The following NDUFA10 variants were observed in gnomAD, a reference collection of about 807,000 sequenced individuals.
NDUFA10 encodes NADH dehydrogenase [ubiquinone] 1 alpha subcomplex subunit 10, mitochondrial.
A neutral mutation model predicts 47.8 loss-of-function variants in NDUFA10; 40 were observed. That is an observed-to-expected ratio of 0.84 (90% CI 0.65 to 1.09). The LOEUF (loss-of-function observed/expected upper bound fraction) is 1.09, where lower values mean the gene tolerates loss of function less well. NDUFA10 is among the 50% of genes least tolerant of loss of function. The pLI is 0.00. For synonymous variants in NDUFA10, 183 were observed against 172.2 expected (o/e 1.06, Z -0.49); for missense variants, 413 against 451.1 (o/e 0.92, Z 0.76).
chr2:239,897,810 C>T (rs1693425548), intron 4 of NDUFA10, among the ~76,000 whole-genome samples: 1 of 152,212 alleles, frequency 6.6e-6, no homozygotes, highest in African/African-American at 2.4e-5. Flanking sequence ...GACTGCAGCA[C>T]CCAGGCCAGT....
intron 9 of NDUFA10, among the ~76,000 whole-genome samples, chr2:239,985,262 T>A (rs925782365): frequency 1.1e-4 from 17 of 152,188 alleles, no homozygotes; most frequent in African/African-American, 4.1e-4. Flanking sequence ...AACTTTGTGA[T>A]GAATATGTTT....
At chr2:239,988,842 C>T (rs947872728) in intron 9 of NDUFA10, among the ~76,000 whole-genome samples, 1 of 151,938 alleles carries the variant, frequency 6.6e-6, no homozygotes, top group Non-Finnish European at 1.5e-5. Context: ...TGTACAAGGA[C>T]AGAAAGGGAG....
At chr2:240,003,283 G>A (rs1696799144) in intron 8 of NDUFA10, among the ~76,000 whole-genome samples, 1 of 152,194 alleles carries the variant, frequency 6.6e-6, no homozygotes, top group Middle Eastern at 3.2e-3. Context: ...GAGAAAGAAG[G>A]TAAGCACCAA....
chr2:239,900,315 CATATATATATAT>C (rs142452963), intron 4 of NDUFA10, among the ~76,000 whole-genome samples: 11 of 142,730 alleles, frequency 7.7e-5, no homozygotes, highest in South Asian at 2.3e-4. Context: ...AACTCCCCTT[CATATATATATAT>C]ATATATATAT....
intron 4 of NDUFA10, among the ~76,000 whole-genome samples, chr2:239,911,899 C>T (rs1197156493): frequency 1.3e-5 from 2 of 151,994 alleles, no homozygotes; most frequent in Non-Finnish European, 2.9e-5. Context: ...GGGGAGGCAC[C>T]GACTCCAGTG....
intron 4 of NDUFA10, among the ~76,000 whole-genome samples, chr2:239,905,084 G>C (rs1261133450): frequency 1.3e-5 from 2 of 152,198 alleles, no homozygotes; most frequent in African/African-American, 4.8e-5. Flanking sequence ...AGCTCCAGAG[G>C]TTAGGGTATC....
At chr2:239,983,765 A>G in intron 9 of NDUFA10, 1 of 1,536,976 alleles carries the variant, frequency 6.5e-7, no homozygotes, top group Non-Finnish European at 8.8e-7. Context: ...TCTACAAAAT[A>G]CCTCACCAGC....
At chr2:239,920,168 G>A (rs985168458) in intron 4 of NDUFA10, among the ~76,000 whole-genome samples, 1 of 152,230 alleles carries the variant, frequency 6.6e-6, no homozygotes, top group African/African-American at 2.4e-5. Context: ...TGGGACAGCA[G>A]AATGCTGCTT....
intron 9 of NDUFA10, among the ~76,000 whole-genome samples, chr2:239,975,890 C>T (rs4149556): frequency 0.29 from 44,607 of 151,994 alleles, 7,145 homozygotes; most frequent in East Asian, 0.38. Flanking sequence ...CTGTATCTCT[C>T]GCTGTTCCCA....
At chr2:239,923,067 G>T (rs1030598331) in intron 4 of NDUFA10, among the ~76,000 whole-genome samples, 55 of 152,172 alleles carry the variant, frequency 3.6e-4, no homozygotes, top group African/African-American at 1.1e-3. Context: ...AATTACCAGG[G>T]ACAAAAGAGG....
At position 239,987,830 on chromosome 2, in the gene NDUFA10, C is replaced by T. The variant is rs765556154; in HGVS notation, c.999+2244G>A. Among the ~76,000 whole-genome samples the T allele has an allele frequency of 6.6e-6, 1 of 152,082 alleles. No individual in the cohort carries two copies. Among genetic ancestry groups the T allele is most frequent in the Non-Finnish European group, 1.5e-5 (1 of 68,022 alleles). On this transcript the variant is annotated intron_variant, in intron 9 of 9. Transcript: ENST00000252711. This position sits in a 1 kb window ranked among gnomAD's most constrained non-coding sequence, Gnocchi z 4.8. ...GAGAATTAAGACGACCGAGATCATG[C>T]AAAACATGCGAGTGGGTACTCTGCT...
intron 4 of NDUFA10, among the ~76,000 whole-genome samples, chr2:239,951,893 C>G (rs779918330): frequency 1.3e-5 from 2 of 152,256 alleles, no homozygotes; most frequent in Non-Finnish European, 2.9e-5. Flanking sequence ...CCCAGGAACA[C>G]GAGGGCCCTG....
At chr2:239,983,890 C>T (rs1695895131) in intron 9 of NDUFA10, among the ~76,000 whole-genome samples, 1 of 152,124 alleles carries the variant, frequency 6.6e-6, no homozygotes, top group African/African-American at 2.4e-5. Flanking sequence ...AGAAAAAGGA[C>T]ATTAGGGAAA....
At chr2:239,951,387 G>A (rs561487941) in intron 4 of NDUFA10, among the ~76,000 whole-genome samples, 40 of 152,336 alleles carry the variant, frequency 2.6e-4, no homozygotes, top group African/African-American at 7.9e-4. Context: ...CGTCGAAGGT[G>A]GTTGAGATTG....
chr2:239,918,110 A>G (rs1000169279), intron 4 of NDUFA10, among the ~76,000 whole-genome samples: 6 of 152,152 alleles, frequency 3.9e-5, no homozygotes, highest in Middle Eastern at 3.2e-3. Context: ...CTGGGCCTGA[A>G]TTATGGGGTC....
At chr2:239,994,993 G>A (rs1010677311) in intron 8 of NDUFA10, among the ~76,000 whole-genome samples, 2 of 152,190 alleles carry the variant, frequency 1.3e-5, no homozygotes, top group African/African-American at 4.8e-5. Flanking sequence ...AAGTGGAAGA[G>A]GCCGGGTGCG....
At chr2:239,988,830 C>A (rs1031668832) in intron 9 of NDUFA10, among the ~76,000 whole-genome samples, 2 of 151,914 alleles carry the variant, frequency 1.3e-5, no homozygotes, top group Non-Finnish European at 2.9e-5. Context: ...CACTCACACA[C>A]GTGTACAAGG....
downstream of NDUFA10, chr2:239,957,257 G>A (rs1694678730): frequency 6.6e-6 from 1 of 152,240 alleles, no homozygotes; most frequent in Admixed American, 6.5e-5. Flanking sequence ...CGGGATGCAG[G>A]AGGCCCCATC....
intron 3 of NDUFA10, chr2:240,020,939 A>C: frequency 1.8e-6 from 1 of 567,732 alleles, no homozygotes; most frequent in South Asian, 2.0e-5. Flanking sequence ...ATATGTAAGT[A>C]TAGAAGCTTA....
Sources: allele counts gnomAD v4.1 joint callset (sites outside exome capture counted in the v4.1 genomes callset), GRCh38; gene constraint gnomAD v4.1.1; non-coding constraint Gnocchi (gnomAD v3.1); transcripts MANE v1.5; gene names NCBI Gene and HGNC (gene_info 2026-07-23, HGNC 2026-07-21).